The following CTC1 variants were observed in gnomAD, a reference collection of about 807,000 sequenced individuals.
CTC1 encodes the protein CST telomere replication complex component 1.
CTC1 carries 91 observed loss-of-function variants against 136.3 expected under a neutral mutation model. The ratio of observed to expected loss-of-function variants is 0.67; its 90% confidence interval spans 0.56 to 0.79. The LOEUF (loss-of-function observed/expected upper bound fraction) is 0.79. Ranked by LOEUF, CTC1 falls within the 30% of genes least tolerant of loss-of-function variation. CTC1 has a pLI of 0.00. For missense variants in CTC1, 1,432 were observed against 1,498.1 expected, an observed-to-expected ratio of 0.96 and a Z score of 0.73; for synonymous variants, 606 against 613.8, an observed-to-expected ratio of 0.99 and a Z score of 0.19.
At position 8,242,531 on chromosome 17, in the gene CTC1, GA is replaced by G. The variant is rs1422488015; in HGVS notation, c.197+453del. Among the ~76,000 whole-genome samples the G allele has an allele frequency of 7.5e-5, 6 of 79,730 alleles. 1 individual carries two copies. The highest frequency in any genetic ancestry group is 2.5e-5 in the Non-Finnish European group (1 of 40,552). 52.3% of individuals were successfully genotyped at this position (79,730 alleles called of 152,430 possible). A position where few individuals can be genotyped will look rare whatever the true frequency, so the allele number is the denominator to read the frequency against. On this transcript the variant is annotated intron_variant, in intron 2 of 22. Coordinates refer to ENST00000651323, the MANE Select transcript of CTC1 (RefSeq NM_025099.6). ...ACACTTTTGGAAATGATAGTGTAGAGAGAAAAAAAAAAAAAAAAAAAAATAT... is the reference window on the plus strand; with the variant it reads ...ACACTTTTGGAAATGATAGTGTAGAGGAAAAAAAAAAAAAAAAAAAAATAT...
chr17:8,242,561 T>TATATATATATATACAC, intron 2 of CTC1, among the ~76,000 whole-genome samples: 1 of 112,656 alleles, frequency 8.9e-6, no homozygotes, highest in African/African-American at 3.2e-5. Context: ...AAAATATATA[T>TATATATATATATACAC]ATATATATAT....
In CTC1 at chr17:8,235,320, T is replaced by TG. The variant is rs778577150; in HGVS notation, c.1207-36dup. The stretch of plus-strand genomic sequence containing the variant: ...AGCAGAGAAAATGAAAAAGCAGAGA[T>TG]GAAGACCCCAACTCAATGAACCCAG... On this transcript the variant is annotated intron_variant, in intron 7 of 22. Coordinates refer to ENST00000651323, the MANE Select transcript of CTC1 (RefSeq NM_025099.6). 25 of 1,527,166 alleles carry TG rather than the reference T, an allele frequency of 1.6e-5. No homozygotes were observed. The East Asian group carries it at 5.6e-4, about 34-fold the overall frequency. The allele number at this position is 1,527,166 out of a possible 1,614,324, so 94.6% of individuals were successfully genotyped here.
chr17:8,247,787 G>A (rs1988882869), intron 1 of CTC1: 4 of 590,382 alleles, frequency 6.8e-6, no homozygotes, highest in South Asian at 2.0e-5. Flanking sequence ...AGAGTGAACG[G>A]AGACCAGTTT....
Position 8,226,258 on chromosome 17 carries a change from A to C in CTC1, c.*1922T>G, listed in dbSNP as rs1313662135. ...AAAGGCACCGCTGGGATTCGAACCC[A>C]GGATCTCCTGTTTACTAGACAGGCG... On this transcript the variant is annotated 3_prime_UTR_variant, in exon 23 of 23. Coordinates refer to ENST00000651323, the MANE Select transcript of CTC1 (RefSeq NM_025099.6). 1 of 152,348 alleles carries C rather than the reference A, an allele frequency of 6.6e-6. No homozygotes were observed. The highest frequency in any genetic ancestry group is 1.5e-5 in the Non-Finnish European group (1 of 68,044). The allele number at this position is 152,348 out of a possible 1,614,324, so 9.4% of individuals were successfully genotyped here.
chr17:8,242,545 A>ATAT (rs1334999287), intron 2 of CTC1, among the ~76,000 whole-genome samples: 1 of 95,010 alleles, frequency 1.1e-5, no homozygotes, highest in Non-Finnish European at 2.3e-5. Flanking sequence ...AAAAAAAAAA[A>ATAT]AAAAAAAAAT....
At chr17:8,228,701 GTCCC>G (rs769453932) in intron 21 of CTC1, 22 bp downstream of exon 21, 1 of 1,613,926 alleles carries the variant, frequency 6.2e-7, no homozygotes, top group Non-Finnish European at 8.5e-7. Context: ...GGGTATCCGA[GTCCC>G]TCCCTCCCAG....
chr17:8,228,449 A>G lies in CTC1; in HGVS notation c.3514+54T>C, dbSNP rs901201927. The stretch of plus-strand genomic sequence containing the variant: ...CCCTCTTCCTCCCAGGGACCCATCT[A>G]TCTCTATCACCATGATCCCCCTATC... On this transcript the variant is annotated intron_variant, in intron 22 of 22. Coordinates refer to ENST00000651323, the MANE Select transcript of CTC1 (RefSeq NM_025099.6). The G allele has an allele frequency of 3.1e-6, 5 of 1,613,210 alleles. No individual in the cohort carries two copies. In the Admixed American group the frequency reaches 8.3e-5, roughly 27 times the overall value.
At position 8,232,774 on chromosome 17, in the gene CTC1, C is replaced by T. The variant is rs3027234; in HGVS notation, c.1945+132G>A. On this transcript the variant is annotated intron_variant, in intron 11 of 22. Coordinates refer to ENST00000651323, the MANE Select transcript of CTC1 (RefSeq NM_025099.6). ...GTTCTCTGCCTGCCATACAAGTCTCCCAGAAGTTGTTGATTGACATGTGTC... is the reference window on the plus strand; with the variant it reads ...GTTCTCTGCCTGCCATACAAGTCTCTCAGAAGTTGTTGATTGACATGTGTC... 0.2 allele frequency: 238,110 copies of T among 1,220,852 alleles called. 25,361 individuals are homozygous for T. The highest frequency in any genetic ancestry group is 0.23 in the Non-Finnish European group (194,119 of 858,350). The allele number at this position is 1,220,852 out of a possible 1,614,324, so 75.6% of individuals were successfully genotyped here.
At position 8,230,713 on chromosome 17, in the gene CTC1, C is replaced by A. The variant is rs1987147042; in HGVS notation, c.2670-62G>T. ...CAAGAAAGCACAGAGTGGAGACAGT[C>A]AGATTCAAGGCAGAAAATGGAGCTA... is the stretch of plus-strand genomic sequence containing the variant. On this transcript the variant is annotated intron_variant, in intron 15 of 22. Coordinates refer to ENST00000651323, the MANE Select transcript of CTC1 (RefSeq NM_025099.6). 6.4e-6 allele frequency: 9 copies of A among 1,414,254 alleles called. No individual in the cohort carries two copies. In the East Asian group the frequency reaches 1.1e-4, roughly 18 times the overall value. 87.6% of individuals were successfully genotyped at this position (1,414,254 alleles called of 1,614,324 possible). A position where few individuals can be genotyped will look rare whatever the true frequency, so the allele number is the denominator to read the frequency against.
intron 2 of CTC1, among the ~76,000 whole-genome samples, chr17:8,240,053 G>A (rs879434053): frequency 3.3e-5 from 5 of 152,138 alleles, no homozygotes; most frequent in African/African-American, 9.7e-5. Context: ...ACAGAGGCAT[G>A]GGTGGCAAAG....
chr17:8,232,161 T>G lies in CTC1; in HGVS notation c.2127A>C (p.Ser709=). ...CTGTCTGAGGTGTTGAGGGTGTTGC[T>G]GAATGAAGGCAGGGTCTGGGCACAG... ...ILPVPRPCLH[S]ATPSTPQTDP... is the part of the protein sequence containing the mutation. The change falls in exon 13 of 23, where the codon TCA becomes TCC. Residue 709 remains serine (S), a synonymous_variant. Coordinates refer to ENST00000651323, the MANE Select transcript of CTC1 (RefSeq NM_025099.6). 1 of 1,524,352 alleles carries G rather than the reference T, an allele frequency of 6.6e-7. No individual in the cohort carries two copies. Among genetic ancestry groups the G allele is most frequent in the Non-Finnish European group, 8.8e-7 (1 of 1,139,936 alleles). 94.4% of individuals were successfully genotyped at this position (1,524,352 alleles called of 1,614,324 possible).
At chr17:8,239,910 A>G (rs1049479301) in intron 2 of CTC1, among the ~76,000 whole-genome samples, 1 of 152,178 alleles carries the variant, frequency 6.6e-6, no homozygotes, top group Non-Finnish European at 1.5e-5. Flanking sequence ...CAAGGCAAAG[A>G]CAGAAACTAA....
intron 15 of CTC1, 126 bp downstream of exon 15, chr17:8,231,146 AAAAC>A (rs1330485383): frequency 1.0e-4 from 83 of 806,580 alleles, no homozygotes; most frequent in Non-Finnish European, 1.5e-4. Flanking sequence ...GTCTCAAAAA[AAAAC>A]AAACAAAAAC....
At chr17:8,237,321 G>T in intron 5 of CTC1, 54 bp downstream of exon 5, 1 of 1,605,280 alleles carries the variant, frequency 6.2e-7, no homozygotes, top group East Asian at 2.2e-5. Context: ...CTTTCCTACT[G>T]AAAGTTCTAC....
chr17:8,232,549 C>A, intron 11 of CTC1, 74 bp from the exon 12 acceptor site: 1 of 1,219,704 alleles, frequency 8.2e-7, no homozygotes, highest in South Asian at 1.3e-5. Context: ...ACCATCCTAC[C>A]GGCCTCACTA....
At chr17:8,246,652 C>T (rs980768144) in intron 1 of CTC1, among the ~76,000 whole-genome samples, 3 of 151,966 alleles carry the variant, frequency 2.0e-5, no homozygotes, top group Non-Finnish European at 4.4e-5. Flanking sequence ...TTTCGGAGGC[C>T]AAGGCGGGCA....
chr17:8,236,280 T>G lies in CTC1; in HGVS notation c.855A>C (p.Glu285Asp), dbSNP rs1987719230. The change falls in exon 6 of 23, where the codon GAA (glutamate) becomes GAC (aspartate). Residue 285 changes from glutamate (E) to aspartate (D), a missense_variant. Glu to Asp is a conservative substitution (Grantham distance 45). Transcript: ENST00000651323. ...LRPGTAYVLTELRVSKIRGQR... is the reference protein window; with the variant it reads ...LRPGTAYVLTDLRVSKIRGQR... ...GACCACGGATCTTGGACACTCGCAG[T>G]TCTGTCAGCACATAGGCTGTACCAG... is the stretch of plus-strand genomic sequence containing the variant. 7 of 1,613,598 alleles carry G rather than the reference T, an allele frequency of 4.3e-6. No individual in the cohort carries two copies. Among genetic ancestry groups the G allele is most frequent in the African/African-American group, 1.3e-5 (1 of 74,922 alleles).
chr17:8,232,612 AC>A lies in CTC1; in HGVS notation c.1946-138del, dbSNP rs1161417802. 4.3e-5 allele frequency: 31 copies of A among 718,622 alleles called. No homozygotes were observed. The East Asian group carries it at 7.8e-4, about 18-fold the overall frequency. 44.5% of individuals were successfully genotyped at this position (718,622 alleles called of 1,614,324 possible). A position where few individuals can be genotyped will look rare whatever the true frequency, so the allele number is the denominator to read the frequency against. ...CACATGACATGAAAGCCCACACCTG[AC>A]CCCCACCTTAGAGGGGTGACACCTT... On this transcript the variant is annotated intron_variant, in intron 11 of 22. Coordinates refer to ENST00000651323, the MANE Select transcript of CTC1 (RefSeq NM_025099.6).
chr17:8,228,949 T>G (rs1986968842), intron 20 of CTC1, 57 bp from the exon 21 acceptor site: 1 of 1,559,306 alleles, frequency 6.4e-7, no homozygotes, highest in Non-Finnish European at 8.7e-7. Context: ...GCCAACACCC[T>G]GGACCCAACA....
Sources: allele counts gnomAD v4.1 joint callset (sites outside exome capture counted in the v4.1 genomes callset), GRCh38; gene constraint gnomAD v4.1.1; transcripts MANE v1.5; gene names NCBI Gene and HGNC (gene_info 2026-07-23, HGNC 2026-07-21).